HDAC9: variants seen among roughly 807,000 people sequenced by gnomAD.
HDAC9 encodes MEF-2 interacting transcription repressor (MITR) protein.
HDAC9 carries 41 observed loss-of-function variants against 139.4 expected under a neutral mutation model. That is an observed-to-expected ratio of 0.29 (90% confidence interval 0.23 to 0.38). The LOEUF is 0.38. HDAC9 is among the 10% of genes least tolerant of loss of function. HDAC9 has a pLI of 1.00. For missense variants in HDAC9, 1,147 were observed against 1,297.0 expected (o/e 0.88, Z 1.78); for synonymous variants, 517 against 476.2 (o/e 1.09, Z -1.12).
At chr7:18,259,257 C>T (rs1795486938) in intron 2 of HDAC9, among the ~76,000 whole-genome samples, 1 of 152,118 alleles carries the variant, frequency 6.6e-6, no homozygotes, top group Non-Finnish European at 1.5e-5. Flanking sequence ...GTGTGAGTCA[C>T]AGTGCCCAGC....
chr7:18,966,527 C>G (rs988711218), intron 24 of HDAC9, among the ~76,000 whole-genome samples: 2 of 152,128 alleles, frequency 1.3e-5, no homozygotes, highest in Non-Finnish European at 2.9e-5. Context: ...TGATGAAACC[C>G]TGTCTCTACT....
chr7:18,475,925 G>A (rs150698598), intron 1 of HDAC9, among the ~76,000 whole-genome samples: 1 of 152,166 alleles, frequency 6.6e-6, no homozygotes, highest in South Asian at 2.1e-4. Context: ...GGCATAGTTA[G>A]GTATGTTCTG....
intron 2 of HDAC9, among the ~76,000 whole-genome samples, chr7:18,563,592 T>C (rs1821291524): frequency 6.6e-6 from 1 of 152,186 alleles, no homozygotes; most frequent in South Asian, 2.1e-4. Context: ...ACAATATTCG[T>C]TATAGAGAAT....
chr7:18,854,831 G>T (rs1797556362), intron 21 of HDAC9, among the ~76,000 whole-genome samples: 1 of 152,016 alleles, frequency 6.6e-6, no homozygotes, highest in African/African-American at 2.4e-5. Context: ...TTATGAAAAT[G>T]GGATTTTATC....
chr7:18,893,609 A>G (rs1221379277), intron 22 of HDAC9, among the ~76,000 whole-genome samples: 1 of 152,162 alleles, frequency 6.6e-6, no homozygotes, highest in Admixed American at 6.5e-5. Flanking sequence ...AGCTTCCACA[A>G]TGGACATTGC....
chr7:18,408,584 G>T (rs1372891629), intron 1 of HDAC9, among the ~76,000 whole-genome samples: 3 of 152,114 alleles, frequency 2.0e-5, no homozygotes, highest in African/African-American at 7.2e-5. Context: ...TGTATGACTA[G>T]CTGGGCTGGG....
At chr7:18,600,327 C>T (rs1341615443) in intron 6 of HDAC9, among the ~76,000 whole-genome samples, 2 of 152,032 alleles carry the variant, frequency 1.3e-5, no homozygotes, top group African/African-American at 4.8e-5. Context: ...TTCCTTTCAT[C>T]GATCATGCTT....
chr7:18,474,664 A>C (rs1183412711), intron 1 of HDAC9, among the ~76,000 whole-genome samples: 2 of 152,202 alleles, frequency 1.3e-5, no homozygotes, highest in Non-Finnish European at 2.9e-5. Context: ...GCTGAGATTC[A>C]TATTCTATGG....
At chr7:18,684,194 T>C (rs990243073) in intron 12 of HDAC9, among the ~76,000 whole-genome samples, 4 of 151,600 alleles carry the variant, frequency 2.6e-5, no homozygotes, top group Admixed American at 6.6e-5. Context: ...GAGGCGGAGA[T>C]TGCAGTGAAC....
At chr7:18,238,165 A>T (rs1760369720) in intron 2 of HDAC9, among the ~76,000 whole-genome samples, 1 of 152,210 alleles carries the variant, frequency 6.6e-6, no homozygotes, top group African/African-American at 2.4e-5. Flanking sequence ...TTCCATAATG[A>T]TAAGGAAATT....
At chr7:18,750,927 G>C (rs751434623) in intron 14 of HDAC9, among the ~76,000 whole-genome samples, 11 of 152,244 alleles carry the variant, frequency 7.2e-5, no homozygotes, top group South Asian at 2.1e-4. Context: ...AGCTGGCCTG[G>C]TCCTAACTAC....
chr7:18,455,680 C>T (rs1255931686), intron 1 of HDAC9, among the ~76,000 whole-genome samples: 2 of 152,228 alleles, frequency 1.3e-5, no homozygotes, highest in Middle Eastern at 3.4e-3. Context: ...TGTAGCCAAC[C>T]ATCTAATTAC....
intron 2 of HDAC9, among the ~76,000 whole-genome samples, chr7:18,573,024 A>C (rs1824807768): frequency 6.6e-6 from 1 of 152,214 alleles, no homozygotes; most frequent in Non-Finnish European, 1.5e-5. Flanking sequence ...CTTTAACTTA[A>C]ATGTTGATAT....
chr7:18,810,477 A>T (rs1429353021), intron 17 of HDAC9, among the ~76,000 whole-genome samples: 1 of 151,904 alleles, frequency 6.6e-6, no homozygotes, highest in Non-Finnish European at 1.5e-5. Flanking sequence ...TATGGCTATA[A>T]GCAGTTTAAC....
chr7:18,541,369 T>C (rs890652422), intron 2 of HDAC9, among the ~76,000 whole-genome samples: 22 of 152,068 alleles, frequency 1.4e-4, no homozygotes, highest in African/African-American at 5.1e-4. Flanking sequence ...TCTTAACTTC[T>C]TGAAGAAACT....
chr7:18,917,892 G>A (rs564946480), intron 22 of HDAC9, among the ~76,000 whole-genome samples: 2 of 151,922 alleles, frequency 1.3e-5, no homozygotes, highest in Non-Finnish European at 2.9e-5. Flanking sequence ...TGACAATAAC[G>A]GCATATTGGG....
intron 2 of HDAC9, among the ~76,000 whole-genome samples, chr7:18,581,768 GC>G (rs1827899194): frequency 6.6e-6 from 1 of 152,074 alleles, no homozygotes; most frequent in African/African-American, 2.4e-5. Context: ...TTACTCCAGA[GC>G]CTTGACTAAA....
chr7:18,221,347 C>T (rs1016837237), intron 2 of HDAC9, among the ~76,000 whole-genome samples: 13 of 152,040 alleles, frequency 8.6e-5, no homozygotes, highest in East Asian at 3.9e-4. Context: ...TCAGGTGATC[C>T]GCCCACCTCA....
Position 18,762,292 on chromosome 7 carries a change from C to G in HDAC9, c.2164+15C>G. On this transcript the variant is annotated intron_variant, in intron 15 of 25. Transcript: ENST00000686413. Reference sequence around the variant, plus strand: ...GATACTCCTAGGTCTGTACGGGCCTCCACTGTACTGGGAACAGCACATTCC... The same window carrying G: ...GATACTCCTAGGTCTGTACGGGCCTGCACTGTACTGGGAACAGCACATTCC... 1.2e-6 allele frequency: 2 copies of G among 1,612,894 alleles called. No homozygotes were observed. Among genetic ancestry groups the G allele is most frequent in the South Asian group, 1.1e-5 (1 of 90,982 alleles).
Sources: allele counts gnomAD v4.1 joint callset (sites outside exome capture counted in the v4.1 genomes callset), GRCh38; gene constraint gnomAD v4.1.1; transcripts MANE v1.5; gene names NCBI Gene and HGNC (gene_info 2026-07-23, HGNC 2026-07-21).